ADGRL3: variants seen among roughly 807,000 people sequenced by gnomAD.
ADGRL3 encodes the protein adhesion G protein-coupled receptor L3, also known as calcium-independent alpha-latrotoxin receptor 3.
A neutral mutation model predicts 153.5 loss-of-function variants in ADGRL3; 62 were observed. The ratio of observed to expected loss-of-function variants is 0.40; its 90% CI spans 0.33 to 0.50. The LOEUF (loss-of-function observed/expected upper bound fraction) is 0.50, where lower values mean the gene tolerates loss of function less well. Among genes scored for constraint, ADGRL3 ranks in the 20% least tolerant of loss-of-function variants. ADGRL3 has a pLI of 0.47. For synonymous variants in ADGRL3, 710 were observed against 672.5 expected (o/e 1.06, Z -0.86); for missense variants, 1,641 against 1,859.4 (o/e 0.88, Z 2.16).
At chr4:61,244,561 T>G (rs2149361918) in intron 1 of ADGRL3, among the ~76,000 whole-genome samples, 1 of 152,152 alleles carries the variant, frequency 6.6e-6, no homozygotes, top group Non-Finnish European at 1.5e-5. Flanking sequence ...TTTTTAGGGT[T>G]ATTGTGCAAT....
chr4:61,301,695 T>G (rs17291864), intron 1 of ADGRL3, among the ~76,000 whole-genome samples: 70,650 of 152,006 alleles, frequency 0.46, 18,264 homozygotes, highest in East Asian at 0.7. Flanking sequence ...TTTACTCTTC[T>G]AGAGGTGACA....
chr4:61,977,282 A>G (rs553305965), intron 17 of ADGRL3, among the ~76,000 whole-genome samples: 1 of 148,068 alleles, frequency 6.8e-6, no homozygotes, highest in Middle Eastern at 3.6e-3. Flanking sequence ...TATACCTGCC[A>G]TTTTTCCATT....
chr4:61,565,457 C>A (rs1189464806), intron 4 of ADGRL3, among the ~76,000 whole-genome samples: 1 of 151,882 alleles, frequency 6.6e-6, no homozygotes, highest in Non-Finnish European at 1.5e-5. Flanking sequence ...AAAATTGGAA[C>A]TTAAATAGAA....
chr4:62,031,050 C>A (rs1475560428), intron 22 of ADGRL3, among the ~76,000 whole-genome samples: 7 of 151,422 alleles, frequency 4.6e-5, no homozygotes, highest in Non-Finnish European at 8.9e-5. Context: ...AGAAGAAGCA[C>A]TAATAGAGGG....
At chr4:61,266,167 T>C (rs1281674973) in intron 1 of ADGRL3, among the ~76,000 whole-genome samples, 3 of 151,826 alleles carry the variant, frequency 2.0e-5, no homozygotes, top group African/African-American at 7.2e-5. Context: ...CTGGGCTTTC[T>C]GCTTCATGCC....
chr4:61,611,813 C>G (rs1326999933), intron 5 of ADGRL3, among the ~76,000 whole-genome samples: 1 of 151,936 alleles, frequency 6.6e-6, no homozygotes, highest in Non-Finnish European at 1.5e-5. Flanking sequence ...CCTAGCTACT[C>G]AGGAGGCTGA....
At chr4:61,670,760 TC>T (rs1387990630) in intron 5 of ADGRL3, among the ~76,000 whole-genome samples, 3 of 151,880 alleles carry the variant, frequency 2.0e-5, no homozygotes, top group South Asian at 4.2e-4. Flanking sequence ...GAGGTAAAGT[TC>T]CCCCCAGGGG....
chr4:62,057,375 G>T (rs1371215982), intron 25 of ADGRL3, among the ~76,000 whole-genome samples: 1 of 152,072 alleles, frequency 6.6e-6, no homozygotes, highest in Non-Finnish European at 1.5e-5. Flanking sequence ...AGAGAAGGGT[G>T]TGACTCATTA....
At chr4:61,731,475 A>G (rs751543164) in intron 7 of ADGRL3, among the ~76,000 whole-genome samples, 1 of 152,102 alleles carries the variant, frequency 6.6e-6, no homozygotes, top group Non-Finnish European at 1.5e-5. Flanking sequence ...CATTCCAAAC[A>G]TAACAGTAGA....
chr4:61,898,107 C>G (rs1343242150), intron 11 of ADGRL3, among the ~76,000 whole-genome samples: 1 of 152,064 alleles, frequency 6.6e-6, no homozygotes, highest in Non-Finnish European at 1.5e-5. Context: ...TGTCAAGCGA[C>G]CCCACTGGCC....
intron 9 of ADGRL3, among the ~76,000 whole-genome samples, chr4:61,875,854 G>A (rs993610000): frequency 6.6e-6 from 1 of 152,114 alleles, no homozygotes; most frequent in Non-Finnish European, 1.5e-5. Context: ...AGTGTACTTT[G>A]CACTTTTTTA....
At chr4:61,559,766 T>C (rs993897682) in intron 4 of ADGRL3, among the ~76,000 whole-genome samples, 6 of 152,058 alleles carry the variant, frequency 3.9e-5, no homozygotes, top group Non-Finnish European at 7.4e-5. Flanking sequence ...GTAAATATAA[T>C]ATACTTGCCT....
At chr4:61,553,702 G>A (rs1391353230) in intron 4 of ADGRL3, among the ~76,000 whole-genome samples, 2 of 151,830 alleles carry the variant, frequency 1.3e-5, no homozygotes, top group African/African-American at 4.8e-5. Flanking sequence ...TTTTTTTCAA[G>A]TGCTTGTCCT....
intron 2 of ADGRL3, among the ~76,000 whole-genome samples, chr4:61,420,864 G>T (rs191162323): frequency 4.9e-4 from 73 of 147,532 alleles, no homozygotes; most frequent in Non-Finnish European, 2.2e-4. Flanking sequence ...TTGTTTTTAT[G>T]ACTTGTATCA....
chr4:61,291,553 A>G (rs1560434174), intron 1 of ADGRL3, among the ~76,000 whole-genome samples: 1 of 81,566 alleles, frequency 1.2e-5, no homozygotes. Context: ...TATGAAGGGA[A>G]GACTATATAT....
intron 24 of ADGRL3, among the ~76,000 whole-genome samples, chr4:62,038,117 A>G (rs1726099170): frequency 6.6e-6 from 1 of 152,176 alleles, no homozygotes; most frequent in African/African-American, 2.4e-5. Context: ...GCAGGTAAAG[A>G]AAGGAATTTG....
chr4:61,485,015 T>C (rs1349477003), intron 2 of ADGRL3, among the ~76,000 whole-genome samples: 1 of 152,214 alleles, frequency 6.6e-6, no homozygotes, highest in Non-Finnish European at 1.5e-5. Context: ...TTAATCAGGC[T>C]AAAGTTACAG....
chr4:61,998,173 G>A lies in ADGRL3; in HGVS notation c.3304-1G>A. ...ACATAACACTACCTTTTGCATTCCAGCTTAATGTAATCTTCCTTGGGATTG... is the reference window on the plus strand; with the variant it reads ...ACATAACACTACCTTTTGCATTCCAACTTAATGTAATCTTCCTTGGGATTG... On this transcript the variant is annotated splice_acceptor_variant, in intron 20 of 26. Transcript: ENST00000683033. LOFTEE classifies it high-confidence loss of function. The A allele has an allele frequency of 6.5e-7, 1 of 1,535,654 alleles. No homozygotes were observed. The highest frequency in any genetic ancestry group is 2.0e-5 in the Admixed American group (1 of 49,496).
intron 25 of ADGRL3, among the ~76,000 whole-genome samples, chr4:62,057,014 A>G (rs1737382212): frequency 6.6e-6 from 1 of 152,146 alleles, no homozygotes; most frequent in Non-Finnish European, 1.5e-5. Flanking sequence ...ACAAGAATGT[A>G]AGTGCATTAA....
Sources: gnomAD v4.1 joint callset for allele counts (sites outside exome capture counted in the v4.1 genomes callset) on GRCh38, gnomAD v4.1.1 for gene constraint, MANE v1.5 for transcripts, NCBI Gene and HGNC (gene_info 2026-07-23, HGNC 2026-07-21) for gene names.